Variants in GSE1 observed in about 807,000 individuals in gnomAD.
GSE1 encodes Gse1 coiled-coil protein, also known as genetic suppressor element 1.
Under a neutral mutation model 112.6 loss-of-function variants are expected in GSE1, and 32 were observed. That is an observed-to-expected ratio of 0.28 (90% CI 0.21 to 0.38). The LOEUF (loss-of-function observed/expected upper bound fraction) is 0.38, where lower values mean the gene tolerates loss of function less well. Ranked by LOEUF, GSE1 falls within the 10% of genes least tolerant of loss-of-function variation. The pLI is 1.00. For synonymous variants in GSE1, 1,115 were observed against 735.6 expected (o/e 1.52, Z -8.35); for missense variants, 2,348 against 1,699.2 (o/e 1.38, Z -6.71).
At chr16:85,643,066 C>T (rs1160690237) in intron 2 of GSE1, among the ~76,000 whole-genome samples, 1 of 152,110 alleles carries the variant, frequency 6.6e-6, no homozygotes, top group Non-Finnish European at 1.5e-5. Flanking sequence ...GCTGCTGTGG[C>T]GCTGCGGTCC....
chr16:85,615,536 C>T (rs906774328), intron 1 of GSE1, among the ~76,000 whole-genome samples: 1 of 152,244 alleles, frequency 6.6e-6, no homozygotes, highest in South Asian at 2.1e-4. Context: ...GCCTTGGGGG[C>T]GGTGCCGGGC....
intron 1 of GSE1, among the ~76,000 whole-genome samples, chr16:85,603,935 TTTTC>T (rs1185186157): frequency 6.6e-6 from 1 of 152,196 alleles, no homozygotes; most frequent in African/African-American, 2.4e-5. Context: ...GTCCAAATCA[TTTTC>T]TTTTTTTCTT....
intron 1 of GSE1, among the ~76,000 whole-genome samples, chr16:85,291,636 C>T (rs942794647): frequency 3.7e-4 from 57 of 152,224 alleles, no homozygotes; most frequent in Non-Finnish European, 7.3e-4. Flanking sequence ...CTTTTCCGCC[C>T]GGCCAGCCGC....
rs114821626 is a variant in GSE1, at chr16:85,429,064, G to A, written c.2464+71421G>A. On this transcript the variant is annotated intron_variant, in intron 2 of 2. Transcript: ENST00000637419. ...ACATACATGGGGCGCCTACAGCTCC[G>A]AAGCCTCCGCACGCTGCATCACTCA... is the stretch of plus-strand genomic sequence containing the variant. 6.4e-3 allele frequency among the ~76,000 whole-genome samples: 970 copies of A among 152,306 alleles called. 11 individuals are homozygous for A. Among genetic ancestry groups the A allele is most frequent in the African/African-American group, 0.022 (921 of 41,570 alleles).
chr16:85,405,356 C>CCT (rs754357069), intron 2 of GSE1, among the ~76,000 whole-genome samples: 1 of 2,316 alleles, frequency 4.3e-4, no homozygotes, highest in African/African-American at 4.8e-4. Flanking sequence ...TCAGGGCCCC[C>CCT]GGATAATCCT....
chr16:85,295,171 C>A (rs2045332298), intron 1 of GSE1, among the ~76,000 whole-genome samples: 1 of 152,152 alleles, frequency 6.6e-6, no homozygotes, highest in Non-Finnish European at 1.5e-5. Context: ...CCACACTCAC[C>A]CAGCGGTTAC....
At chr16:85,212,096 T>G (rs149726353) in intron 1 of GSE1, among the ~76,000 whole-genome samples, 1 of 152,274 alleles carries the variant, frequency 6.6e-6, no homozygotes, top group Non-Finnish European at 1.5e-5. Context: ...GATAGGGTCT[T>G]CAGAAAGGTA....
At chr16:85,545,194 G>T (rs2151218143) in intron 2 of GSE1, among the ~76,000 whole-genome samples, 1 of 152,340 alleles carries the variant, frequency 6.6e-6, no homozygotes, top group Admixed American at 6.5e-5. Flanking sequence ...ATGTGGCCTG[G>T]GCAGTCCCCA....
At chr16:85,485,785 A>ATGGC (rs1475932221) in intron 2 of GSE1, among the ~76,000 whole-genome samples, 2 of 148,686 alleles carry the variant, frequency 1.3e-5, no homozygotes, top group African/African-American at 5.3e-5. Flanking sequence ...CTCCCTAGGG[A>ATGGC]TGGCAGGCAG....
At chr16:85,607,928 GCTT>G (rs1484306466), upstream of GSE1, among the ~76,000 whole-genome samples, 1 of 152,206 alleles carries the variant, frequency 6.6e-6, no homozygotes, top group African/African-American at 2.4e-5. Flanking sequence ...GGTGGAGGAT[GCTT>G]CTTCTCAGGC....
chr16:85,354,743 A>G (rs1162235326), intron 1 of GSE1, among the ~76,000 whole-genome samples: 1 of 152,244 alleles, frequency 6.6e-6, no homozygotes. Flanking sequence ...CGTCCCTCGC[A>G]GCAGGAGCCT....
chr16:85,504,330 TC>T (rs913688968), intron 2 of GSE1, among the ~76,000 whole-genome samples: 2 of 152,212 alleles, frequency 1.3e-5, no homozygotes, highest in African/African-American at 4.8e-5. Flanking sequence ...CCACACACTT[TC>T]CCCTTAGAGG....
intron 15 of GSE1, chr16:85,672,163 T>C: frequency 4.0e-6 from 2 of 501,326 alleles, no homozygotes; most frequent in Non-Finnish European, 7.6e-6. Context: ...CATGCCTGGC[T>C]AATTTTTTTG....
chr16:85,355,408 A>G (rs370729503), intron 1 of GSE1, among the ~76,000 whole-genome samples: 1 of 152,122 alleles, frequency 6.6e-6, no homozygotes, highest in African/African-American at 2.4e-5. Context: ...TTAGCCTCCC[A>G]CACCCAGGGC....
intron 1 of GSE1, among the ~76,000 whole-genome samples, chr16:85,587,106 G>A (rs898884118): frequency 6.6e-5 from 10 of 151,808 alleles, no homozygotes; most frequent in Non-Finnish European, 1.2e-4. Context: ...GATGGGCCTC[G>A]GCCTCTGGCG....
intron 2 of GSE1, among the ~76,000 whole-genome samples, chr16:85,462,016 T>C (rs971916381): frequency 6.6e-6 from 1 of 152,208 alleles, no homozygotes; most frequent in Non-Finnish European, 1.5e-5. Flanking sequence ...ACAGCACTTA[T>C]CTGGAAAGGA....
chr16:85,578,667 G>C (rs2151375710), intron 1 of GSE1, among the ~76,000 whole-genome samples: 1 of 152,294 alleles, frequency 6.6e-6, no homozygotes, highest in East Asian at 1.9e-4. Flanking sequence ...CCCCGAATCA[G>C]GCAGCTTCCC....
chr16:85,307,843 T>C (rs2045723576), intron 1 of GSE1, among the ~76,000 whole-genome samples: 1 of 152,182 alleles, frequency 6.6e-6, no homozygotes, highest in Admixed American at 6.5e-5. Flanking sequence ...CAGGCGGGAC[T>C]CTTCAAGGGC....
At chr16:85,612,488 C>T (rs904807573), upstream of GSE1, among the ~76,000 whole-genome samples, 4 of 152,152 alleles carry the variant, frequency 2.6e-5, no homozygotes, top group African/African-American at 7.2e-5. Flanking sequence ...ACCGCAACCC[C>T]AGCTACTTAA....
Sources: allele counts gnomAD v4.1 joint callset (sites outside exome capture counted in the v4.1 genomes callset), GRCh38; gene constraint gnomAD v4.1.1; transcripts MANE v1.5; gene names NCBI Gene and HGNC (gene_info 2026-07-23, HGNC 2026-07-21).